The following PDZRN4 variants were observed in gnomAD, a reference collection of about 807,000 sequenced individuals.
The protein encoded by PDZRN4 is PDZ domain-containing RING finger protein 4.
Under a neutral mutation model 99.0 loss-of-function variants are expected in PDZRN4, and 70 were observed. The ratio of observed to expected loss-of-function variants is 0.71; its 90% CI spans 0.58 to 0.86. PDZRN4 has a LOEUF of 0.86. Among genes scored for constraint, PDZRN4 ranks in the 40% least tolerant of loss-of-function variants. PDZRN4 has a pLI of 0.00. For synonymous variants in PDZRN4, 551 were observed against 501.6 expected (o/e 1.10, Z -1.32); for missense variants, 1,474 against 1,331.2 (o/e 1.11, Z -1.67).
intron 3 of PDZRN4, among the ~76,000 whole-genome samples, chr12:41,367,239 G>A (rs1038503205): frequency 5.9e-5 from 9 of 152,140 alleles, no homozygotes; most frequent in Admixed American, 3.3e-4. Context: ...GCCAGGTGCA[G>A]TGGCTCACAC....
intron 5 of PDZRN4, among the ~76,000 whole-genome samples, chr12:41,548,868 G>T (rs1016372159): frequency 6.6e-6 from 1 of 152,100 alleles, no homozygotes; most frequent in African/African-American, 2.4e-5. Flanking sequence ...TCTATGATTA[G>T]AAAGATGTTT....
intron 3 of PDZRN4, among the ~76,000 whole-genome samples, chr12:41,218,762 C>T (rs1166787427): frequency 6.6e-6 from 1 of 152,102 alleles, no homozygotes; most frequent in Admixed American, 6.6e-5. Context: ...ATCCATTGCT[C>T]CTTGCACATT....
chr12:41,505,104 G>A (rs1209151195), intron 3 of PDZRN4, among the ~76,000 whole-genome samples: 1 of 152,082 alleles, frequency 6.6e-6, no homozygotes, highest in Non-Finnish European at 1.5e-5. Context: ...CATATTCCTT[G>A]TCTACTCAGG....
At chr12:41,571,368 TCTCTCTCTCACACACA>T (rs1489760393) in intron 9 of PDZRN4, among the ~76,000 whole-genome samples, 14 of 96,934 alleles carry the variant, frequency 1.4e-4, no homozygotes, top group Middle Eastern at 4.6e-3. Flanking sequence ...TCTCTCTCTC[TCTCTCTCTCACACACA>T]CACACACACA....
chr12:41,338,652 T>G (rs917929954), intron 3 of PDZRN4, among the ~76,000 whole-genome samples: 1 of 151,596 alleles, frequency 6.6e-6, no homozygotes, highest in Non-Finnish European at 1.5e-5. Context: ...ATACAAAGGA[T>G]CATAAGAGAT....
intron 6 of PDZRN4, 61 bp from the exon 7 acceptor site, chr12:41,555,633 ATATT>A: frequency 8.2e-7 from 1 of 1,225,076 alleles, no homozygotes; most frequent in Non-Finnish European, 1.2e-6. Flanking sequence ...TTTTAAAGCC[ATATT>A]TTTAAGTTCT....
intron 3 of PDZRN4, among the ~76,000 whole-genome samples, chr12:41,326,901 C>A (rs556650805): frequency 6.6e-6 from 1 of 152,138 alleles, no homozygotes; most frequent in African/African-American, 2.4e-5. Flanking sequence ...AGTACATGGA[C>A]AAATAAGTTC....
chr12:41,503,908 A>T (rs1938155497), intron 3 of PDZRN4, among the ~76,000 whole-genome samples: 1 of 152,214 alleles, frequency 6.6e-6, no homozygotes, highest in Admixed American at 6.5e-5. Flanking sequence ...TACCACTATT[A>T]GGGATTCCTC....
intron 3 of PDZRN4, among the ~76,000 whole-genome samples, chr12:41,296,498 G>C (rs1055037366): frequency 1.3e-5 from 2 of 152,216 alleles, no homozygotes; most frequent in South Asian, 4.1e-4. Flanking sequence ...AAATTCCCAA[G>C]AAAGCTTTCC....
intron 3 of PDZRN4, among the ~76,000 whole-genome samples, chr12:41,303,922 T>C (rs55981863): frequency 0.48 from 72,463 of 152,056 alleles, 19,342 homozygotes; most frequent in Middle Eastern, 0.67. Flanking sequence ...TTTTAATTCA[T>C]TTGACTCTTG....
At chr12:41,497,380 T>C (rs1456393601) in intron 3 of PDZRN4, among the ~76,000 whole-genome samples, 1 of 152,032 alleles carries the variant, frequency 6.6e-6, no homozygotes, top group Non-Finnish European at 1.5e-5. Context: ...AGACCTGTTA[T>C]AGAAAATTTT....
intron 3 of PDZRN4, among the ~76,000 whole-genome samples, chr12:41,249,981 G>A (rs1030539048): frequency 2.6e-5 from 4 of 152,132 alleles, no homozygotes; most frequent in South Asian, 2.1e-4. Flanking sequence ...AAGCATAGTC[G>A]TGAGATAGAA....
chr12:41,555,586 T>C, intron 6 of PDZRN4, 112 bp from the exon 7 acceptor site: 1 of 792,452 alleles, frequency 1.3e-6, no homozygotes, highest in Non-Finnish European at 2.2e-6. Flanking sequence ...CTGTCACAAA[T>C]CAACAGAGAA....
intron 3 of PDZRN4, among the ~76,000 whole-genome samples, chr12:41,421,919 C>T (rs868361589): frequency 7.9e-5 from 12 of 151,996 alleles, no homozygotes; most frequent in Non-Finnish European, 1.2e-4. Context: ...GCTAATATCC[C>T]GCAGTGATTA....
intron 3 of PDZRN4, among the ~76,000 whole-genome samples, chr12:41,346,469 A>T (rs1229150041): frequency 1.3e-5 from 2 of 152,094 alleles, no homozygotes; most frequent in Non-Finnish European, 1.5e-5. Context: ...CTCAAAAAAT[A>T]AAAATAAAAT....
chr12:41,361,460 A>G (rs1951963100), intron 3 of PDZRN4, among the ~76,000 whole-genome samples: 1 of 152,046 alleles, frequency 6.6e-6, no homozygotes, highest in South Asian at 2.1e-4. Context: ...TGAATGTTTT[A>G]GCAATAAAAT....
intron 3 of PDZRN4, among the ~76,000 whole-genome samples, chr12:41,294,463 TAAGAAGAACAGTGTGAA>T (rs1951477211): frequency 6.6e-6 from 1 of 152,184 alleles, no homozygotes; most frequent in South Asian, 2.1e-4. Flanking sequence ...GATAAAAATA[TAAGAAGAACAGTGTGAA>T]AACTGCGAGG....
chr12:41,466,432 A>AGAGGAGG (rs779940872), intron 3 of PDZRN4, among the ~76,000 whole-genome samples: 2 of 152,172 alleles, frequency 1.3e-5, no homozygotes, highest in Non-Finnish European at 2.9e-5. Context: ...ACCTTTCCCC[A>AGAGGAGG]GAGGAGGGAG....
intron 3 of PDZRN4, among the ~76,000 whole-genome samples, chr12:41,462,516 T>C (rs534781251): frequency 6.6e-6 from 1 of 152,328 alleles, no homozygotes; most frequent in East Asian, 1.9e-4. Context: ...TGCTCACCAG[T>C]TAGTCATTCC....
Sources: allele counts gnomAD v4.1 joint callset (sites outside exome capture counted in the v4.1 genomes callset), GRCh38; gene constraint gnomAD v4.1.1; transcripts MANE v1.5; gene names NCBI Gene and HGNC (gene_info 2026-07-23, HGNC 2026-07-21).